ZNF385D: variants seen among roughly 807,000 people sequenced by gnomAD.
The protein encoded by ZNF385D is zinc finger protein 659.
ZNF385D carries 15 observed loss-of-function variants against 35.8 expected under a neutral mutation model. The observed-to-expected ratio is 0.42, with a 90% CI of 0.28 to 0.64. The LOEUF is 0.64. Among genes scored for constraint, ZNF385D ranks in the 30% least tolerant of loss-of-function variants. The pLI is 0.23. For missense variants in ZNF385D, 474 were observed against 494.6 expected, an observed-to-expected ratio of 0.96 and a Z score of 0.39; for synonymous variants, 212 against 186.8, an observed-to-expected ratio of 1.13 and a Z score of -1.10.
chr3:21,706,261 A>G (rs1482958225), intron 1 of ZNF385D, among the ~76,000 whole-genome samples: 2 of 152,018 alleles, frequency 1.3e-5, no homozygotes, highest in Non-Finnish European at 2.9e-5. Context: ...TTATCATGCA[A>G]TCAGCTTTTT....
intron 2 of ZNF385D, among the ~76,000 whole-genome samples, chr3:21,661,277 T>A (rs140195229): frequency 3.1e-4 from 47 of 152,312 alleles, no homozygotes; most frequent in African/African-American, 1.1e-3. Context: ...TTTGCTCCTG[T>A]ACTCAAGCTA....
At chr3:22,258,968 T>G (rs1286726375) in intron 2 of ZNF385D, among the ~76,000 whole-genome samples, 1 of 151,818 alleles carries the variant, frequency 6.6e-6, no homozygotes, top group South Asian at 2.1e-4. Context: ...GCTTTTGAAA[T>G]CTTTTGGATA....
chr3:22,146,529 T>G (rs913651894), intron 3 of ZNF385D, among the ~76,000 whole-genome samples: 31 of 152,194 alleles, frequency 2.0e-4, no homozygotes, highest in Non-Finnish European at 7.4e-5. Context: ...CATGTATTAT[T>G]ATAATTTACT....
chr3:21,584,234 C>T (rs2063749199), intron 2 of ZNF385D, among the ~76,000 whole-genome samples: 1 of 152,088 alleles, frequency 6.6e-6, no homozygotes, highest in African/African-American at 2.4e-5. Flanking sequence ...CCACCTTGGC[C>T]TCCCAAAGTG....
intron 2 of ZNF385D, among the ~76,000 whole-genome samples, chr3:21,620,519 G>C (rs1362586449): frequency 6.6e-6 from 1 of 152,112 alleles, no homozygotes; most frequent in Non-Finnish European, 1.5e-5. Flanking sequence ...CTTCAATGCA[G>C]ACTGGGATTC....
intron 3 of ZNF385D, among the ~76,000 whole-genome samples, chr3:22,166,854 G>C (rs533593752): frequency 6.6e-6 from 1 of 152,318 alleles, no homozygotes; most frequent in Admixed American, 6.5e-5. Flanking sequence ...GATAGGTGAA[G>C]TATAACGCCA....
chr3:22,119,146 C>T (rs1162330437), intron 3 of ZNF385D, among the ~76,000 whole-genome samples: 1 of 152,108 alleles, frequency 6.6e-6, no homozygotes, highest in African/African-American at 2.4e-5. Context: ...AGAATACCAC[C>T]CGCCTGATGA....
chr3:21,702,578 A>T (rs918857874), intron 1 of ZNF385D, among the ~76,000 whole-genome samples: 1 of 152,182 alleles, frequency 6.6e-6, no homozygotes, highest in South Asian at 2.1e-4. Flanking sequence ...TGAATTTCTC[A>T]TCAAAAAATG....
chr3:22,245,785 G>C (rs1200790795), intron 2 of ZNF385D, among the ~76,000 whole-genome samples: 4 of 151,968 alleles, frequency 2.6e-5, no homozygotes, highest in African/African-American at 9.7e-5. Flanking sequence ...AAAATATTTA[G>C]TCCCACCTGT....
intron 3 of ZNF385D, among the ~76,000 whole-genome samples, chr3:22,061,559 T>G (rs1209567757): frequency 1.3e-5 from 2 of 152,202 alleles, no homozygotes; most frequent in Non-Finnish European, 2.9e-5. Flanking sequence ...AAGTCTTCAA[T>G]TCCTATGGTC....
At chr3:21,948,091 T>C (rs1701885010) in intron 3 of ZNF385D, among the ~76,000 whole-genome samples, 1 of 152,156 alleles carries the variant, frequency 6.6e-6, no homozygotes, top group Non-Finnish European at 1.5e-5. Flanking sequence ...ATGTACATCT[T>C]TTTTTCCTGT....
At position 22,033,219 on chromosome 3, in the gene ZNF385D, T is replaced by C. The variant is rs149689376; in HGVS notation, c.325+135598A>G. On this transcript the variant is annotated intron_variant, in intron 3 of 5. Transcript: ENST00000494108. ...GCATTCGAGACCAAACGGGACAACA[T>C]GGTGGAACCCTGTCTCTACTAAAAA... Among the ~76,000 whole-genome samples the C allele has an allele frequency of 7.6e-4, 116 of 151,764 alleles. 1 individual carries two copies. The highest frequency in any genetic ancestry group is 2.5e-3 in the African/African-American group (102 of 41,374).
intron 3 of ZNF385D, among the ~76,000 whole-genome samples, chr3:21,936,017 C>T (rs1158008805): frequency 6.6e-6 from 1 of 151,978 alleles, no homozygotes; most frequent in Non-Finnish European, 1.5e-5. Context: ...AAGATGAAAG[C>T]CATTTCATCT....
chr3:21,540,501 G>T (rs1322942813), intron 3 of ZNF385D, among the ~76,000 whole-genome samples: 1 of 152,184 alleles, frequency 6.6e-6, no homozygotes, highest in Non-Finnish European at 1.5e-5. Flanking sequence ...GACGAAAAAA[G>T]TTGATTATCA....
chr3:21,982,079 G>GT (rs59719489), intron 3 of ZNF385D, among the ~76,000 whole-genome samples: 23,578 of 133,136 alleles, frequency 0.18, 2,444 homozygotes, highest in African/African-American at 0.28. Flanking sequence ...TTTTAAAATA[G>GT]TTTTTTTTTT....
intron 2 of ZNF385D, among the ~76,000 whole-genome samples, chr3:22,347,087 G>A (rs11916773): frequency 0.024 from 3,570 of 151,778 alleles, 132 homozygotes; most frequent in African/African-American, 0.083. Flanking sequence ...AAATGAAAGT[G>A]ACATAAAGAG....
At chr3:22,328,347 A>G (rs1285416366) in intron 2 of ZNF385D, among the ~76,000 whole-genome samples, 3 of 152,104 alleles carry the variant, frequency 2.0e-5, no homozygotes, top group Non-Finnish European at 4.4e-5. Context: ...AATTCTGATT[A>G]TAAAAAATTT....
intron 1 of ZNF385D, among the ~76,000 whole-genome samples, chr3:21,703,680 G>T (rs2067782043): frequency 6.6e-6 from 1 of 151,034 alleles, no homozygotes; most frequent in Admixed American, 6.6e-5. Flanking sequence ...AAAAAAAATG[G>T]CATTCTCCTG....
intron 3 of ZNF385D, among the ~76,000 whole-genome samples, chr3:22,064,182 G>C (rs538721159): frequency 6.6e-4 from 100 of 152,296 alleles, no homozygotes; most frequent in African/African-American, 2.3e-3. Flanking sequence ...GTCTTTCATG[G>C]TGATTAGCTC....
Sources: gnomAD v4.1 joint callset for allele counts (sites outside exome capture counted in the v4.1 genomes callset) on GRCh38, gnomAD v4.1.1 for gene constraint, MANE v1.5 for transcripts, NCBI Gene and HGNC (gene_info 2026-07-23, HGNC 2026-07-21) for gene names.